FUBP1: variants seen among roughly 807,000 people sequenced by gnomAD.
FUBP1 encodes the protein far upstream element binding protein 1.
FUBP1 carries 16 observed loss-of-function variants against 94.9 expected under a neutral mutation model. The ratio of observed to expected loss-of-function variants is 0.17; its 90% CI spans 0.11 to 0.26. The LOEUF (loss-of-function observed/expected upper bound fraction) is 0.26, where lower values mean the gene tolerates loss of function less well. Among genes scored for constraint, FUBP1 ranks in the 10% least tolerant of loss-of-function variants. The pLI is 1.00. For synonymous variants in FUBP1, 279 were observed against 254.9 expected (o/e 1.09, Z -0.90); for missense variants, 583 against 808.6 (o/e 0.72, Z 3.38).
intron 10 of FUBP1, 134 bp from the exon 11 acceptor site, chr1:77,964,490 G>C (rs1571307336): frequency 1.5e-6 from 1 of 661,516 alleles, no homozygotes; most frequent in East Asian, 2.7e-5. Flanking sequence ...TATATTTATA[G>C]TAAATAGGGT....
intron 16 of FUBP1, among the ~76,000 whole-genome samples, chr1:77,958,874 GA>G (rs1246508278): frequency 6.6e-6 from 1 of 152,192 alleles, no homozygotes; most frequent in Non-Finnish European, 1.5e-5. Context: ...AAGAGGGAAA[GA>G]AAAGCCCTTT....
At chr1:77,958,458 A>T (rs1185523755) in intron 16 of FUBP1, among the ~76,000 whole-genome samples, 1 of 152,190 alleles carries the variant, frequency 6.6e-6, no homozygotes, top group Non-Finnish European at 1.5e-5. Flanking sequence ...CTCTTTTTTT[A>T]AAGAAACATT....
upstream of FUBP1, chr1:77,979,139 T>C (rs565902487): frequency 9.6e-5 from 84 of 874,238 alleles, no homozygotes; most frequent in African/African-American, 1.2e-3. Flanking sequence ...GGGCGGAGAC[T>C]GAAGGAACAA....
chr1:77,948,887 G>A, intron 19 of FUBP1, 113 bp from the exon 20 acceptor site: 1 of 1,429,570 alleles, frequency 7.0e-7, no homozygotes, highest in Admixed American at 1.9e-5. Context: ...TATAAATGGT[G>A]GTGGCTTCTT....
At chr1:77,952,095 T>C (rs530203686) in intron 18 of FUBP1, among the ~76,000 whole-genome samples, 1 of 152,258 alleles carries the variant, frequency 6.6e-6, no homozygotes, top group African/African-American at 2.4e-5. Context: ...CTGTTCCTTA[T>C]AAGCCTCTGA....
Position 77,970,025 on chromosome 1 carries a change from A to G in FUBP1, c.121-10T>C. The G allele has an allele frequency of 1.4e-6, 2 of 1,475,836 alleles. No individual in the cohort carries two copies. The highest frequency in any genetic ancestry group is 1.9e-6 in the Non-Finnish European group (2 of 1,067,444). 91.4% of individuals were successfully genotyped at this position (1,475,836 alleles called of 1,614,324 possible). ...CAATTTTTGCTGCAATCTAAAAAAA[A>G]AAAAGAAAAATACCATCATAAACTA... On this transcript the variant is annotated splice_polypyrimidine_tract_variant and intron_variant, in intron 1 of 19. Transcript: ENST00000370768.
At position 77,946,119 on chromosome 1, in the gene FUBP1, A is replaced by T. The variant is rs898897235; in HGVS notation, c.*2647T>A. On this transcript the variant is annotated 3_prime_UTR_variant, in exon 20 of 20. Transcript: ENST00000370768. ...GAAATTATAATTTTGGAGGGCAAAGAAATTTTCTGTCCATCATATAAAACA... is the reference window on the plus strand; with the variant it reads ...GAAATTATAATTTTGGAGGGCAAAGTAATTTTCTGTCCATCATATAAAACA... 6.6e-6 allele frequency among the ~76,000 whole-genome samples: 1 copy of T among 151,990 alleles called. No individual in the cohort carries two copies. The highest frequency in any genetic ancestry group is 2.4e-5 in the African/African-American group (1 of 41,436).
rs915608175 is a variant in FUBP1, at chr1:77,965,122, T to A, written c.583A>T (p.Ser195Cys). The change falls in exon 8 of 20, where the codon AGC (serine) becomes TGC (cysteine). Residue 195 changes from serine (S) to cysteine (C), a missense_variant. Ser to Cys is a moderately radical substitution (Grantham distance 112). Transcript: ENST00000370768. ...TTTCCAATGACTAATCCTGCCTTGCTAGCTGGAATCATGATTTCTTGAACT... is the reference window on the plus strand; with the variant it reads ...TTTCCAATGACTAATCCTGCCTTGCAAGCTGGAATCATGATTTCTTGAACT... ...NAVQEIMIPA[S>C]KAGLVIGKGG... 1.9e-6 allele frequency: 3 copies of A among 1,612,542 alleles called. No homozygotes were observed. The highest frequency in any genetic ancestry group is 2.5e-6 in the Non-Finnish European group (3 of 1,178,668).
chr1:77,966,931 A>C lies in FUBP1; in HGVS notation c.368T>G (p.Ile123Ser), dbSNP rs2102421964. The change falls in exon 6 of 20, where the codon ATC becomes AGC. Residue 123 changes from isoleucine (I) to serine (S), a missense_variant. By Grantham distance (142) the Ile-to-Ser change is moderately radical. Coordinates refer to ENST00000370768, the MANE Select transcript of FUBP1 (RefSeq NM_003902.5). ...GFIIGRGGEQ[I>S]SRIQQESGCK... ...TCCAGATTCCTGTTGTATGCGTGAG[A>C]TCTGTTCACCTCCTCTGCCAATTAC... is the stretch of plus-strand genomic sequence containing the variant. The C allele has an allele frequency of 6.2e-7, 1 of 1,605,788 alleles. No individual in the cohort carries two copies. Among genetic ancestry groups the C allele is most frequent in the Non-Finnish European group, 8.5e-7 (1 of 1,173,010 alleles).
At chr1:77,952,507 G>T (rs1653669787) in intron 18 of FUBP1, among the ~76,000 whole-genome samples, 1 of 151,984 alleles carries the variant, frequency 6.6e-6, no homozygotes, top group Admixed American at 6.6e-5. Context: ...AGGGGCACTA[G>T]GATGGGGAAT....
In FUBP1 at chr1:77,979,066, A is replaced by C. The variant is rs1446807773; in HGVS notation, c.-62T>G. The stretch of plus-strand genomic sequence containing the variant: ...ACTTCCTCTCAGCTAACAGCTAAGA[A>C]AGAAAGAAAATGGCGGCCGTCGAAG... On this transcript the variant is annotated 5_prime_UTR_variant, in exon 1 of 20. Transcript: ENST00000370768. 6.8e-7 allele frequency: 1 copy of C among 1,481,138 alleles called. No homozygotes were observed. The highest frequency in any genetic ancestry group is 1.3e-5 in the South Asian group (1 of 79,492). The allele number at this position is 1,481,138 out of a possible 1,614,324, so 91.7% of individuals were successfully genotyped here.
chr1:77,953,538 A>C (rs534801073), intron 18 of FUBP1, among the ~76,000 whole-genome samples: 3 of 152,298 alleles, frequency 2.0e-5, no homozygotes, highest in African/African-American at 4.8e-5. Flanking sequence ...GTACTACAGA[A>C]CAACAACAGA....
rs1213545491 is a variant in FUBP1 at position 77,965,239 on chromosome 1, C to G, written c.474-8G>C. On this transcript the variant is annotated splice_polypyrimidine_tract_variant and splice_region_variant and intron_variant, in intron 7 of 19. Transcript: ENST00000370768. ...AGTAACCGTTTTGCTGACCTGTTAA[C>G]AAATTAATATTTAAATAGTAAGCTG... 2 of 1,582,976 alleles carry G rather than the reference C, an allele frequency of 1.3e-6. No homozygotes were observed. Among genetic ancestry groups the G allele is most frequent in the East Asian group, 2.3e-5 (1 of 44,314 alleles).
Position 77,964,673 on chromosome 1 carries a change from T to C in FUBP1, c.810A>G (p.Ser270=). ...CTATCCCTTCATTTCCTCCTATTCT[T>C]GACCCATACTCATTCCGAACTTCTC... ...GFREVRNEYG[S]RIGGNEGIDV... is the part of the protein sequence containing the mutation. Residue 270 remains serine (S), a synonymous_variant, in exon 10 of 20, where the codon TCA becomes TCG. Transcript: ENST00000370768. 1 of 1,604,036 alleles carries C rather than the reference T, an allele frequency of 6.2e-7. No individual in the cohort carries two copies.
rs1426029200 is a variant in FUBP1, at chr1:77,967,098, T to C, written c.294A>G (p.Arg98=). 1.9e-6 allele frequency: 3 copies of C among 1,563,270 alleles called. No homozygotes were observed. The highest frequency in any genetic ancestry group is 2.7e-5 in the African/African-American group (2 of 73,572). ...CTTTGTATTCTTCTGTCATTACAGA[T>C]CTGCTAAGAAATAACAGAAAGCACC... is the stretch of plus-strand genomic sequence containing the variant. ...QLPPMHQQQS[R]SVMTEEYKVP... Residue 98 remains arginine, a synonymous_variant, in exon 5 of 20, where the codon AGA becomes AGG. Coordinates refer to ENST00000370768, the MANE Select transcript of FUBP1 (RefSeq NM_003902.5).
At chr1:77,979,375 T>G, upstream of FUBP1, 1 of 227,262 alleles carries the variant, frequency 4.4e-6, no homozygotes, top group Non-Finnish European at 8.7e-6. Flanking sequence ...GTGGGAAGCC[T>G]GAAGAAAAGG....
rs1368899156 is a variant in FUBP1 at position 77,963,477 on chromosome 1, T to A, written c.1183+97A>T. 3 of 628,700 alleles carry A rather than the reference T, an allele frequency of 4.8e-6. No individual in the cohort carries two copies. In the Middle Eastern group the frequency reaches 1.3e-3, roughly 265 times the overall value. The allele number at this position is 628,700 out of a possible 1,614,324, so 38.9% of individuals were successfully genotyped here. Reference sequence around the variant, plus strand: ...AGAATTCTTTTCTACTAAAATACGGTCAGAGAAAAAGCATTGCCACTTGTT... The same window carrying A: ...AGAATTCTTTTCTACTAAAATACGGACAGAGAAAAAGCATTGCCACTTGTT... On this transcript the variant is annotated intron_variant, in intron 13 of 19. Transcript: ENST00000370768.
At chr1:77,962,235 G>A (rs1655621100) in intron 14 of FUBP1, among the ~76,000 whole-genome samples, 1 of 152,184 alleles carries the variant, frequency 6.6e-6, no homozygotes, top group Admixed American at 6.5e-5. Context: ...ATTAGATGCT[G>A]GGCCCTATCC....
chr1:77,971,315 A>T (rs547064677), intron 1 of FUBP1, among the ~76,000 whole-genome samples: 54 of 152,324 alleles, frequency 3.5e-4, no homozygotes, highest in African/African-American at 1.2e-3. Flanking sequence ...GAAATCTTCC[A>T]TGAAAAAATA....
Sources: gnomAD v4.1 joint callset for allele counts (sites outside exome capture counted in the v4.1 genomes callset) on GRCh38, gnomAD v4.1.1 for gene constraint, MANE v1.5 for transcripts, NCBI Gene and HGNC (gene_info 2026-07-23, HGNC 2026-07-21) for gene names.